Variants in MACROD2 observed in about 807,000 individuals in gnomAD.
MACROD2 encodes mono-ADP ribosylhydrolase 2.
Under a neutral mutation model 70.4 loss-of-function variants are expected in MACROD2, and 36 were observed. That is an observed-to-expected ratio of 0.51 (90% CI 0.39 to 0.68). MACROD2 has a LOEUF of 0.68. Ranked by LOEUF, MACROD2 falls within the 30% of genes least tolerant of loss-of-function variation. The pLI is 0.00. For missense variants in MACROD2, 496 were observed against 538.4 expected (o/e 0.92, Z 0.78); for synonymous variants, 172 against 178.8 (o/e 0.96, Z 0.30).
chr20:15,170,138 G>A (rs1343476055), intron 5 of MACROD2, among the ~76,000 whole-genome samples: 1 of 152,032 alleles, frequency 6.6e-6, no homozygotes, highest in Non-Finnish European at 1.5e-5. Context: ...AACTCTTTAG[G>A]TTAGCTTGCT....
chr20:15,488,135 C>A (rs1309173069), intron 7 of MACROD2, among the ~76,000 whole-genome samples: 1 of 152,060 alleles, frequency 6.6e-6, no homozygotes, highest in Non-Finnish European at 1.5e-5. Context: ...GCCAAGGGGA[C>A]CTAGCTGTCA....
intron 4 of MACROD2, among the ~76,000 whole-genome samples, chr20:14,554,588 C>T (rs770512448): frequency 1.3e-5 from 2 of 152,076 alleles, no homozygotes; most frequent in Non-Finnish European, 2.9e-5. Context: ...CTCCACTTAA[C>T]CCCAAACTAC....
chr20:15,916,574 A>G (rs79513282), intron 10 of MACROD2, among the ~76,000 whole-genome samples: 2 of 152,292 alleles, frequency 1.3e-5, no homozygotes, highest in East Asian at 3.9e-4. Context: ...TTGTTCCAAG[A>G]CTTCCTGCAT....
intron 5 of MACROD2, among the ~76,000 whole-genome samples, chr20:14,949,219 G>T (rs2074456706): frequency 6.6e-6 from 1 of 152,078 alleles, no homozygotes; most frequent in Admixed American, 6.6e-5. Context: ...GAACAAAAAT[G>T]CAAGTGACCT....
intron 5 of MACROD2, among the ~76,000 whole-genome samples, chr20:14,686,360 A>C (rs1269860369): frequency 6.6e-6 from 1 of 152,204 alleles, no homozygotes; most frequent in Non-Finnish European, 1.5e-5. Flanking sequence ...ATATTATACA[A>C]TATTTTAAAT....
At chr20:15,526,329 A>G (rs952420986) in intron 8 of MACROD2, among the ~76,000 whole-genome samples, 1 of 152,254 alleles carries the variant, frequency 6.6e-6, no homozygotes. Flanking sequence ...GGAATGATAT[A>G]TAATTAGGAA....
At chr20:14,310,110 A>C (rs2082553633) in intron 3 of MACROD2, among the ~76,000 whole-genome samples, 1 of 152,154 alleles carries the variant, frequency 6.6e-6, no homozygotes. Flanking sequence ...TCAAACTATA[A>C]TTTGTTTCTA....
intron 3 of MACROD2, among the ~76,000 whole-genome samples, chr20:14,429,567 C>T (rs954227086): frequency 2.6e-5 from 4 of 152,100 alleles, no homozygotes; most frequent in African/African-American, 9.7e-5. Context: ...GGCTTTGGTC[C>T]TTTTAGTGGA....
At chr20:14,229,278 G>A (rs1601376560) in intron 3 of MACROD2, among the ~76,000 whole-genome samples, 1 of 152,068 alleles carries the variant, frequency 6.6e-6, no homozygotes, top group African/African-American at 2.4e-5. Flanking sequence ...TTAAGAGAAC[G>A]AAAAGACAAG....
chr20:14,896,097 C>T (rs527430432), intron 5 of MACROD2, among the ~76,000 whole-genome samples: 1 of 152,108 alleles, frequency 6.6e-6, no homozygotes, highest in Non-Finnish European at 1.5e-5. Flanking sequence ...GAGTTCGAGA[C>T]CAGCCTGGCC....
intron 2 of MACROD2, among the ~76,000 whole-genome samples, chr20:14,042,075 T>C (rs1601148028): frequency 6.6e-6 from 1 of 152,156 alleles, no homozygotes. Flanking sequence ...TCAGAGATAA[T>C]AGTTTATATA....
chr20:14,201,372 T>C (rs2081478214), intron 3 of MACROD2, among the ~76,000 whole-genome samples: 1 of 152,226 alleles, frequency 6.6e-6, no homozygotes, highest in Non-Finnish European at 1.5e-5. Flanking sequence ...ATCAATAAAT[T>C]ATAGTTAGGC....
At chr20:15,030,080 CA>C (rs75395660) in intron 5 of MACROD2, among the ~76,000 whole-genome samples, 2,947 of 77,022 alleles carry the variant, frequency 0.038, 51 homozygotes, top group African/African-American at 0.093. Flanking sequence ...ACTCCGTCTC[CA>C]AAAAAAAAAA....
chr20:15,555,984 G>A (rs1227678493), intron 8 of MACROD2, among the ~76,000 whole-genome samples: 1 of 152,122 alleles, frequency 6.6e-6, no homozygotes, highest in African/African-American at 2.4e-5. Flanking sequence ...CTCAGGATTC[G>A]TTGCCTGATC....
intron 8 of MACROD2, among the ~76,000 whole-genome samples, chr20:15,764,079 T>C (rs1450759579): frequency 6.6e-6 from 1 of 152,204 alleles, no homozygotes; most frequent in Non-Finnish European, 1.5e-5. Context: ...GGCCAGCCAG[T>C]TGAAACAAAG....
intron 6 of MACROD2, among the ~76,000 whole-genome samples, chr20:15,413,940 A>G (rs1042996061): frequency 1.3e-5 from 2 of 152,214 alleles, no homozygotes; most frequent in African/African-American, 4.8e-5. Context: ...TGCCCATGCT[A>G]TTATATATGT....
At position 14,789,460 on chromosome 20, in the gene MACROD2, A is replaced by ATTCT. The variant is rs1555830595; in HGVS notation, c.418+104503_418+104504insCTTT. On this transcript the variant is annotated intron_variant, in intron 5 of 17. Coordinates refer to ENST00000684519, the MANE Select transcript of MACROD2 (RefSeq NM_001351661.2). Reference sequence around the variant, plus strand: ...CTTGTGGATTAATCAGGTAGTGCAAATTTTTTTTTTTTTTTTTTTTTTTTT... The same window carrying ATTCT: ...CTTGTGGATTAATCAGGTAGTGCAAATTCTTTTTTTTTTTTTTTTTTTTTTTTTT... Among the ~76,000 whole-genome samples, 61 of 48,360 alleles carry ATTCT rather than the reference A, an allele frequency of 1.3e-3. 7 individuals are homozygous for ATTCT. Among genetic ancestry groups the ATTCT allele is most frequent in the African/African-American group, 3.3e-3 (38 of 11,672 alleles). The allele number at this position is 48,360 out of a possible 152,430, so 31.7% of individuals were successfully genotyped here. A position where few individuals can be genotyped will look rare whatever the true frequency, so the allele number is the denominator to read the frequency against.
chr20:14,762,653 G>C (rs1447078965), intron 5 of MACROD2, among the ~76,000 whole-genome samples: 2 of 152,116 alleles, frequency 1.3e-5, no homozygotes, highest in African/African-American at 4.8e-5. Context: ...AGACAGGCCA[G>C]GTGCAGTGGC....
At chr20:14,388,862 CAG>C (rs368286880) in intron 3 of MACROD2, among the ~76,000 whole-genome samples, 1 of 151,796 alleles carries the variant, frequency 6.6e-6, no homozygotes, top group Non-Finnish European at 1.5e-5. Flanking sequence ...AACTGAGACA[CAG>C]AGAGAGAGAG....
Sources: allele counts gnomAD v4.1 joint callset (sites outside exome capture counted in the v4.1 genomes callset), GRCh38; gene constraint gnomAD v4.1.1; transcripts MANE v1.5; gene names NCBI Gene and HGNC (gene_info 2026-07-23, HGNC 2026-07-21).